The following FIRRM variants were observed in gnomAD, a reference collection of about 807,000 sequenced individuals.
FIRRM encodes FIGNL1-interacting regulator of recombination and mitosis.
chr1:169,845,999 T>C, the FIRRM span, among the ~76,000 whole-genome samples: 12 of 152,208 alleles, frequency 7.9e-5, no homozygotes. Context: ...ATAAAACGTA[T>C]TTCTTAAACA....
chr1:169,852,755 T>C, the FIRRM span: 1 of 1,597,416 alleles, frequency 6.3e-7, no homozygotes, highest in Non-Finnish European at 8.6e-7. Context: ...ATATTTAGAA[T>C]GGATATTGTG....
chr1:169,852,744 T>C, the FIRRM span: 4 of 1,585,612 alleles, frequency 2.5e-6, no homozygotes, highest in Non-Finnish European at 3.4e-6. Flanking sequence ...GAAGGTTCTT[T>C]ATATTTAGAA....
At chr1:169,804,832 G>A in the FIRRM span, among the ~76,000 whole-genome samples, 22 of 152,116 alleles carry the variant, frequency 1.4e-4, no homozygotes, top group Admixed American at 3.9e-4. Flanking sequence ...ATAGGCGTCC[G>A]CCACCACACC....
chr1:169,844,313 T>G, the FIRRM span, among the ~76,000 whole-genome samples: 8 of 152,214 alleles, frequency 5.3e-5, no homozygotes, highest in African/African-American at 1.9e-4. Flanking sequence ...TTTTGGAAGT[T>G]CTAAGATGAC....
At chr1:169,792,444 A>G in the FIRRM span, 1 of 772,212 alleles carries the variant, frequency 1.3e-6, no homozygotes, top group South Asian at 2.3e-5. Flanking sequence ...AACATAGCTC[A>G]CTTACAATTT....
chr1:169,842,517 G>C, the FIRRM span: 1 of 1,613,578 alleles, frequency 6.2e-7, no homozygotes, highest in Admixed American at 1.7e-5. Flanking sequence ...AGTCAGCTTT[G>C]GGCTTTTTTA....
the FIRRM span, among the ~76,000 whole-genome samples, chr1:169,820,942 C>T: frequency 6.6e-5 from 10 of 152,168 alleles, no homozygotes; most frequent in Non-Finnish European, 1.2e-4. Context: ...AATGGCTACT[C>T]CATAGGCAGA....
chr1:169,836,557 A>T, the FIRRM span, among the ~76,000 whole-genome samples: 1 of 152,218 alleles, frequency 6.6e-6, no homozygotes, highest in East Asian at 1.9e-4. Flanking sequence ...TCCAGTTTGT[A>T]TATTTGGAAT....
the FIRRM span, among the ~76,000 whole-genome samples, chr1:169,811,703 AAATAGATAATAGACAGATTATC>A: frequency 2.0e-5 from 3 of 150,938 alleles, no homozygotes; most frequent in South Asian, 6.3e-4. Flanking sequence ...CAGATTATCT[AAATAGATAATAGACAGATTATC>A]TAAATAGATA....
At chr1:169,789,153 A>G in the FIRRM span, among the ~76,000 whole-genome samples, 12 of 152,226 alleles carry the variant, frequency 7.9e-5, no homozygotes, top group Non-Finnish European at 1.8e-4. Flanking sequence ...TATTATCAAC[A>G]ATCACAATGC....
chr1:169,842,525 T>C, the FIRRM span: 1 of 1,613,768 alleles, frequency 6.2e-7, no homozygotes, highest in Non-Finnish European at 8.5e-7. Context: ...TTGGGCTTTT[T>C]TAAACATTAA....
chr1:169,838,945 C>G, the FIRRM span, among the ~76,000 whole-genome samples: 1 of 152,154 alleles, frequency 6.6e-6, no homozygotes, highest in South Asian at 2.1e-4. Flanking sequence ...CCTCCCTCCC[C>G]CTACTAGTCC....
At chr1:169,812,518 G>T in the FIRRM span, among the ~76,000 whole-genome samples, 1 of 152,124 alleles carries the variant, frequency 6.6e-6, no homozygotes, top group Non-Finnish European at 1.5e-5. Flanking sequence ...AATAAACTTT[G>T]TGCTTTTAAA....
chr1:169,829,336 C>T, the FIRRM span: 48 of 1,613,590 alleles, frequency 3.0e-5, no homozygotes, highest in Non-Finnish European at 3.7e-5. Context: ...TGTTCATTTA[C>T]AGGGATTAAA....
chr1:169,827,626 A>C, the FIRRM span: 1 of 1,448,984 alleles, frequency 6.9e-7, no homozygotes, highest in Admixed American at 1.7e-5. Context: ...TGACAGAGTG[A>C]GACTCTGACT....
chr1:169,807,307 A>G, the FIRRM span, among the ~76,000 whole-genome samples: 4 of 152,166 alleles, frequency 2.6e-5, no homozygotes, highest in East Asian at 3.8e-4. Context: ...TTATATCTTC[A>G]TGATAACATT....
the FIRRM span, among the ~76,000 whole-genome samples, chr1:169,825,302 A>G: frequency 6.6e-6 from 1 of 152,108 alleles, no homozygotes; most frequent in African/African-American, 2.4e-5. Context: ...CATCAATGGA[A>G]CTTCTTGTCT....
chr1:169,796,227 C>A, the FIRRM span, among the ~76,000 whole-genome samples: 1 of 152,170 alleles, frequency 6.6e-6, no homozygotes, highest in African/African-American at 2.4e-5. Context: ...CAAGGAGTTT[C>A]AACTTGAAAA....
At chr1:169,784,834 C>T in the FIRRM span, 1 of 152,136 alleles carries the variant, frequency 6.6e-6, no homozygotes, top group African/African-American at 2.4e-5. Context: ...TACTATACAA[C>T]ACAAGAGTAA....
Sources: allele counts gnomAD v4.1 joint callset (sites outside exome capture counted in the v4.1 genomes callset), GRCh38; gene constraint gnomAD v4.1.1; transcripts MANE v1.5; gene names NCBI Gene and HGNC (gene_info 2026-07-23, HGNC 2026-07-21).